Variants in SUGCT observed in about 807,000 individuals in gnomAD.
SUGCT encodes succinyl-CoA:glutarate CoA-transferase.
SUGCT carries 41 observed loss-of-function variants against 55.0 expected under a neutral mutation model. The observed-to-expected ratio is 0.74, with a 90% CI of 0.58 to 0.97. The LOEUF (loss-of-function observed/expected upper bound fraction) is 0.97. SUGCT is among the 50% of genes least tolerant of loss of function. The pLI is 0.00. For synonymous variants in SUGCT, 187 were observed against 200.4 expected (o/e 0.93, Z 0.56); for missense variants, 568 against 547.8 (o/e 1.04, Z -0.37).
At chr7:40,866,878 T>C in the SUGCT span, among the ~76,000 whole-genome samples, 1 of 151,678 alleles carries the variant, frequency 6.6e-6, no homozygotes, top group African/African-American at 2.4e-5. Context: ...AAACTCGATG[T>C]TTTATGCAAC....
At chr7:40,650,398 T>TCTAAGAAGAGC (rs1800719638) in intron 12 of SUGCT, among the ~76,000 whole-genome samples, 4 of 152,182 alleles carry the variant, frequency 2.6e-5, no homozygotes, top group Admixed American at 6.5e-5. Flanking sequence ...CTGAAACATG[T>TCTAAGAAGAGC]TGGTTTCAGC....
At chr7:40,606,633 A>G (rs1798548746) in intron 12 of SUGCT, among the ~76,000 whole-genome samples, 1 of 152,202 alleles carries the variant, frequency 6.6e-6, no homozygotes, top group Non-Finnish European at 1.5e-5. Flanking sequence ...ATTTTGTCTT[A>G]ATAAGAAACC....
chr7:40,144,173 G>A (rs968356346), intron 1 of SUGCT, among the ~76,000 whole-genome samples: 48 of 152,226 alleles, frequency 3.2e-4, no homozygotes, highest in African/African-American at 1.1e-3. Context: ...AGTCTCAGGA[G>A]AGTCAGGAGG....
chr7:40,194,790 C>G (rs1231323143), intron 5 of SUGCT, 150 bp from the exon 6 acceptor site: 3 of 904,004 alleles, frequency 3.3e-6, no homozygotes, highest in Non-Finnish European at 3.2e-6. Context: ...AAGTAGTTGA[C>G]TAGAACTTCT....
chr7:40,900,165 C>G, the SUGCT span, among the ~76,000 whole-genome samples: 3 of 152,248 alleles, frequency 2.0e-5, no homozygotes, highest in Non-Finnish European at 4.4e-5. Context: ...TTTCCTTAAG[C>G]AGCCTCCAGC....
At chr7:40,555,276 G>C (rs1240317653) in intron 12 of SUGCT, among the ~76,000 whole-genome samples, 1 of 150,098 alleles carries the variant, frequency 6.7e-6, no homozygotes, top group Non-Finnish European at 1.5e-5. Flanking sequence ...TGCACTCTCT[G>C]ATCAATGAAA....
At chr7:40,285,601 C>G (rs1347852984) in intron 8 of SUGCT, among the ~76,000 whole-genome samples, 2 of 151,870 alleles carry the variant, frequency 1.3e-5, no homozygotes, top group East Asian at 3.9e-4. Flanking sequence ...TGGACCATGT[C>G]TGTAAACTAG....
intron 8 of SUGCT, among the ~76,000 whole-genome samples, chr7:40,313,449 C>T (rs1046645856): frequency 2.6e-5 from 4 of 152,280 alleles, no homozygotes; most frequent in Admixed American, 6.5e-5. Flanking sequence ...TCTCCCTTCT[C>T]CTGCCTTAAA....
At chr7:40,203,561 G>A (rs1786742456) in intron 6 of SUGCT, among the ~76,000 whole-genome samples, 1 of 152,050 alleles carries the variant, frequency 6.6e-6, no homozygotes, top group Non-Finnish European at 1.5e-5. Flanking sequence ...GATCGCTTGA[G>A]GTCAGGAGTT....
the SUGCT span, among the ~76,000 whole-genome samples, chr7:40,954,966 T>C: frequency 0.33 from 50,536 of 151,946 alleles, 9,123 homozygotes; most frequent in Admixed American, 0.45. Flanking sequence ...GACATTATTT[T>C]TGAGGTCTCT....
chr7:40,989,145 C>T, the SUGCT span, among the ~76,000 whole-genome samples: 1 of 152,162 alleles, frequency 6.6e-6, no homozygotes, highest in Non-Finnish European at 1.5e-5. Context: ...GGCTTCAGCA[C>T]ATTGTAACCT....
At chr7:40,333,860 G>C (rs190912686) in intron 9 of SUGCT, among the ~76,000 whole-genome samples, 1 of 149,786 alleles carries the variant, frequency 6.7e-6, no homozygotes, top group Non-Finnish European at 1.5e-5. Flanking sequence ...CCATTAACTC[G>C]TCATTTACAT....
chr7:40,584,847 C>T (rs1236705479), intron 12 of SUGCT, among the ~76,000 whole-genome samples: 1 of 152,198 alleles, frequency 6.6e-6, no homozygotes, highest in African/African-American at 2.4e-5. Context: ...AGTAATGACT[C>T]TGACTTCCCA....
chr7:40,866,106 C>T, the SUGCT span, among the ~76,000 whole-genome samples: 1 of 152,086 alleles, frequency 6.6e-6, no homozygotes, highest in Admixed American at 6.5e-5. Context: ...CGAGTACTCA[C>T]CATAAAACAG....
chr7:40,767,131 G>T (rs1252628380), intron 13 of SUGCT, among the ~76,000 whole-genome samples: 1 of 152,128 alleles, frequency 6.6e-6, no homozygotes, highest in Non-Finnish European at 1.5e-5. Context: ...TTTTGCAAAG[G>T]AAGAGAAAAG....
intron 12 of SUGCT, among the ~76,000 whole-genome samples, chr7:40,636,135 A>G (rs531883041): frequency 6.6e-6 from 1 of 152,330 alleles, no homozygotes. Flanking sequence ...TATTTTGCTT[A>G]TGAATCTGAC....
At chr7:40,523,839 T>G (rs1793674644) in intron 12 of SUGCT, among the ~76,000 whole-genome samples, 1 of 152,102 alleles carries the variant, frequency 6.6e-6, no homozygotes, top group African/African-American at 2.4e-5. Context: ...TTCTTGCTAG[T>G]TTTTAACTAC....
At chr7:40,365,247 T>C (rs1396692459) in intron 9 of SUGCT, among the ~76,000 whole-genome samples, 6 of 152,154 alleles carry the variant, frequency 3.9e-5, no homozygotes, top group Admixed American at 1.3e-4. Context: ...AAATTAGGTA[T>C]TGATGGGATG....
At chr7:40,749,686 TTAGCTC>T (rs2128712062) in intron 13 of SUGCT, among the ~76,000 whole-genome samples, 189 bp downstream of exon 13, 1 of 152,316 alleles carries the variant, frequency 6.6e-6, no homozygotes, top group African/African-American at 2.4e-5. Context: ...GCATTGTGTC[TTAGCTC>T]TAAGGAGTGT....
Sources: gnomAD v4.1 joint callset for allele counts (sites outside exome capture counted in the v4.1 genomes callset) on GRCh38, gnomAD v4.1.1 for gene constraint, MANE v1.5 for transcripts, NCBI Gene and HGNC (gene_info 2026-07-23, HGNC 2026-07-21) for gene names.